The following HS3ST4 variants were observed in gnomAD, a reference collection of about 807,000 sequenced individuals.
The protein encoded by HS3ST4 is heparan sulfate glucosamine 3-O-sulfotransferase 4.
A neutral mutation model predicts 29.2 loss-of-function variants in HS3ST4; 17 were observed. The ratio of observed to expected loss-of-function variants is 0.58; its 90% CI spans 0.40 to 0.87. HS3ST4 has a LOEUF of 0.87. Among genes scored for constraint, HS3ST4 ranks in the 40% least tolerant of loss-of-function variants. HS3ST4 has a pLI of 0.00. For missense variants in HS3ST4, 627 were observed against 634.5 expected, an observed-to-expected ratio of 0.99 and a Z score of 0.13; for synonymous variants, 314 against 285.7, an observed-to-expected ratio of 1.10 and a Z score of -1.00.
intron 1 of HS3ST4, among the ~76,000 whole-genome samples, chr16:25,786,169 G>A (rs1443341091): frequency 2.0e-5 from 3 of 152,146 alleles, no homozygotes; most frequent in Non-Finnish European, 1.5e-5. Flanking sequence ...TAGGTCTGGG[G>A]GGAAATGAGG....
rs1039615240 is a variant in HS3ST4 at position 25,782,448 on chromosome 16, C to T, written c.734+89297C>T. ...CCTCTTGCTTTTTCTGTGTGTTTCA[C>T]GACAGCTCTCTCTAGCTCATGCTTG... On this transcript the variant is annotated intron_variant, in intron 1 of 1. Coordinates refer to ENST00000331351, the MANE Select transcript of HS3ST4 (RefSeq NM_006040.3). Among the ~76,000 whole-genome samples the T allele has an allele frequency of 4.6e-5, 7 of 152,170 alleles. No individual in the cohort carries two copies. In the East Asian group the frequency reaches 7.7e-4, roughly 17 times the overall value.
At chr16:25,867,549 C>T (rs1967708905) in intron 1 of HS3ST4, among the ~76,000 whole-genome samples, 1 of 152,090 alleles carries the variant, frequency 6.6e-6, no homozygotes, top group Non-Finnish European at 1.5e-5. Context: ...TATCCTTTAT[C>T]TTAGCCTTCA....
rs149701950 is a variant in HS3ST4, at chr16:25,965,827, C to T, written c.735-169785C>T. On this transcript the variant is annotated intron_variant, in intron 1 of 1. Transcript: ENST00000331351. ...TTACATATAGAACTCTTCACAAGGA[C>T]CTCCTCTGTACATAATTAATTAATT... Among the ~76,000 whole-genome samples the T allele has an allele frequency of 3.3e-4, 51 of 152,258 alleles. No individual in the cohort carries two copies. In the East Asian group the frequency reaches 8.9e-3, roughly 27 times the overall value.
At chr16:25,811,945 G>C (rs2141628800) in intron 1 of HS3ST4, among the ~76,000 whole-genome samples, 1 of 152,200 alleles carries the variant, frequency 6.6e-6, no homozygotes, top group East Asian at 1.9e-4. Context: ...TTGTTCAAGG[G>C]TCAACAACTG....
chr16:26,106,325 C>T (rs1240410779), intron 1 of HS3ST4, among the ~76,000 whole-genome samples: 1 of 152,178 alleles, frequency 6.6e-6, no homozygotes, highest in Non-Finnish European at 1.5e-5. Flanking sequence ...GTCCACCCAC[C>T]CTACTCCGTA....
At chr16:25,949,017 T>C (rs1264333025) in intron 1 of HS3ST4, among the ~76,000 whole-genome samples, 1 of 151,548 alleles carries the variant, frequency 6.6e-6, no homozygotes, top group Non-Finnish European at 1.5e-5. Context: ...AACAGCTGGG[T>C]CCCACTGCTT....
chr16:25,952,991 C>T (rs1968696290), intron 1 of HS3ST4, among the ~76,000 whole-genome samples: 2 of 152,154 alleles, frequency 1.3e-5, no homozygotes, highest in Non-Finnish European at 2.9e-5. Flanking sequence ...GCATCTGTCA[C>T]GACTCTGTGT....
intron 1 of HS3ST4, chr16:25,824,741 C>A (rs1448162614): frequency 1.3e-5 from 2 of 152,086 alleles, no homozygotes; most frequent in African/African-American, 4.8e-5. Context: ...TGTTCCAGGT[C>A]CCAGGGGCAG....
rs141100974 is a variant in HS3ST4, at chr16:25,836,065, G to C, written c.734+142914G>C. ...AAGCTGGTCTCTTCTGAGTTGGGAG[G>C]TGATCATCCTGAATTATTTTCCTAC... On this transcript the variant is annotated intron_variant, in intron 1 of 1. Transcript: ENST00000331351. Among the ~76,000 whole-genome samples, 222 of 152,264 alleles carry C rather than the reference G, an allele frequency of 1.5e-3. 1 individual carries two copies. The East Asian group carries it at 0.018, about 12-fold the overall frequency.
rs148976439 is a variant in HS3ST4 at position 25,947,211 on chromosome 16, G to T, written c.735-188401G>T. 1.1e-4 allele frequency among the ~76,000 whole-genome samples: 16 copies of T among 152,244 alleles called. No individual in the cohort carries two copies. The East Asian group carries it at 3.1e-3, about 29-fold the overall frequency. Reference sequence around the variant, plus strand: ...TTTGAAGACTCTCCATTGCTGTCAGGATGAAATTGAAAAACTTCAACATTG... The same window carrying T: ...TTTGAAGACTCTCCATTGCTGTCAGTATGAAATTGAAAAACTTCAACATTG... On this transcript the variant is annotated intron_variant, in intron 1 of 1. Transcript: ENST00000331351.
intron 1 of HS3ST4, among the ~76,000 whole-genome samples, chr16:26,088,224 C>G (rs746254496): frequency 5.3e-5 from 8 of 152,184 alleles, no homozygotes; most frequent in Non-Finnish European, 1.0e-4. Context: ...CTAGGTAATG[C>G]ATTCATCATT....
chr16:25,692,630 C>G lies in HS3ST4; in HGVS notation c.213C>G (p.Ala71=). ...TGGCGCTGCAGGAGTCGCCGGGCGC[C>G]GCCGCCGAGCCCCCGCCGAGCCCGC... is the stretch of plus-strand genomic sequence containing the variant. ...FPLALQESPG[A]AAEPPPSPPP... is the part of the protein sequence containing the mutation. The change falls in exon 1 of 2, where the codon GCC becomes GCG. Residue 71 remains alanine (A), a synonymous_variant. Coordinates refer to ENST00000331351, the MANE Select transcript of HS3ST4 (RefSeq NM_006040.3). 1 of 1,367,312 alleles carries G rather than the reference C, an allele frequency of 7.3e-7. No homozygotes were observed. The highest frequency in any genetic ancestry group is 9.5e-7 in the Non-Finnish European group (1 of 1,050,398). 84.7% of individuals were successfully genotyped at this position (1,367,312 alleles called of 1,614,324 possible).
intron 1 of HS3ST4, among the ~76,000 whole-genome samples, chr16:25,827,119 A>T (rs1967225286): frequency 6.6e-6 from 1 of 152,198 alleles, no homozygotes; most frequent in Non-Finnish European, 1.5e-5. Flanking sequence ...AAAACCCAGC[A>T]GGGACGAGAC....
chr16:25,752,322 T>C (rs2141602386), intron 1 of HS3ST4, among the ~76,000 whole-genome samples: 1 of 152,148 alleles, frequency 6.6e-6, no homozygotes, highest in East Asian at 1.9e-4. Flanking sequence ...TGGAAATGCT[T>C]TGGGAGGGGG....
intron 1 of HS3ST4, among the ~76,000 whole-genome samples, chr16:25,923,271 T>C (rs976839952): frequency 4.6e-5 from 7 of 152,230 alleles, no homozygotes; most frequent in Non-Finnish European, 8.8e-5. Context: ...GAAAAGCTGA[T>C]GCTAATTGGA....
At chr16:25,822,395 C>T (rs1161127181) in intron 1 of HS3ST4, among the ~76,000 whole-genome samples, 1 of 152,082 alleles carries the variant, frequency 6.6e-6, no homozygotes, top group Non-Finnish European at 1.5e-5. Flanking sequence ...ACTACCACCT[C>T]GGGGAGTTGG....
At chr16:25,707,926 A>G (rs1049941550) in intron 1 of HS3ST4, among the ~76,000 whole-genome samples, 13 of 152,222 alleles carry the variant, frequency 8.5e-5, no homozygotes, top group African/African-American at 3.1e-4. Context: ...CTCACCTGCT[A>G]GTGGTAAGAG....
intron 1 of HS3ST4, among the ~76,000 whole-genome samples, chr16:25,859,979 A>T (rs547793753): frequency 6.6e-6 from 1 of 152,296 alleles, no homozygotes; most frequent in South Asian, 2.1e-4. Flanking sequence ...GCGACATTAG[A>T]TTCTCATAGG....
chr16:25,693,299 T>G, intron 1 of HS3ST4, 148 bp downstream of exon 1: 1 of 842,532 alleles, frequency 1.2e-6, no homozygotes, highest in Non-Finnish European at 1.8e-6. Flanking sequence ...GCGGCGTTGC[T>G]CAGGGGGATC....
Sources: gnomAD v4.1 joint callset for allele counts (sites outside exome capture counted in the v4.1 genomes callset) on GRCh38, gnomAD v4.1.1 for gene constraint, MANE v1.5 for transcripts, NCBI Gene and HGNC (gene_info 2026-07-23, HGNC 2026-07-21) for gene names.